TRIM51G: variants seen among roughly 807,000 people sequenced by gnomAD.
TRIM51G encodes the protein tripartite motif-containing protein 51G.
chr11:48,975,694 T>A, the TRIM51G span: 6 of 1,520,986 alleles, frequency 3.9e-6, no homozygotes, highest in Non-Finnish European at 3.6e-6. Flanking sequence ...GAGACTGCAG[T>A]GAGTGTCCTC....
the TRIM51G span, chr11:48,975,751 T>TC: frequency 6.4e-7 from 1 of 1,567,078 alleles, no homozygotes; most frequent in Non-Finnish European, 8.8e-7. Context: ...ATCTATCATG[T>TC]CATTCTGTCT....
the TRIM51G span, chr11:48,980,820 A>C: frequency 2.4e-6 from 1 of 416,298 alleles, no homozygotes; most frequent in Non-Finnish European, 4.9e-6. Flanking sequence ...CAGAAACATT[A>C]TGGGTTGAGA....
At chr11:48,978,788 AG>A in the TRIM51G span, 1 of 678,612 alleles carries the variant, frequency 1.5e-6, no homozygotes, top group South Asian at 1.6e-5. Flanking sequence ...ATGGAAGTAA[AG>A]GGGGAGACGG....
the TRIM51G span, chr11:48,979,151 G>T: frequency 1.5e-6 from 1 of 674,268 alleles, no homozygotes; most frequent in Non-Finnish European, 2.8e-6. Context: ...ATCTTCTCTT[G>T]AATTTCACTG....
chr11:48,980,884 G>T, the TRIM51G span: 1 of 477,252 alleles, frequency 2.1e-6, no homozygotes, highest in Non-Finnish European at 4.3e-6. Flanking sequence ...TCCTGGAGAA[G>T]GTAGAGTAAC....
the TRIM51G span, among the ~76,000 whole-genome samples, chr11:48,977,465 A>G: frequency 6.6e-6 from 1 of 152,150 alleles, no homozygotes; most frequent in Non-Finnish European, 1.5e-5. Context: ...CAAAAATGAA[A>G]TTCTGGATTC....
chr11:48,983,684 A>C, the TRIM51G span, among the ~76,000 whole-genome samples: 2 of 151,826 alleles, frequency 1.3e-5, no homozygotes, highest in Non-Finnish European at 2.9e-5. Context: ...TATCACTGTA[A>C]TTTACTCTTT....
At chr11:48,975,597 C>T in the TRIM51G span, 2 of 1,387,376 alleles carry the variant, frequency 1.4e-6, no homozygotes, top group Non-Finnish European at 2.1e-6. Context: ...CAACAAAGCT[C>T]ACGGTCCTAC....
At chr11:48,977,042 A>C in the TRIM51G span, 2 of 736,164 alleles carry the variant, frequency 2.7e-6, no homozygotes, top group South Asian at 2.8e-5. Flanking sequence ...TTCTAACAAG[A>C]AGTAATACAT....
the TRIM51G span, among the ~76,000 whole-genome samples, chr11:48,982,653 C>T: frequency 5.3e-5 from 8 of 150,904 alleles, no homozygotes; most frequent in African/African-American, 1.2e-4. Context: ...CTCCAGGACA[C>T]TAGCTTAATG....
At chr11:48,981,737 G>A in the TRIM51G span, 2 of 1,569,854 alleles carry the variant, frequency 1.3e-6, no homozygotes. Flanking sequence ...TTGGGTTCTG[G>A]GTTGGTGAAA....
At chr11:48,982,969 A>G in the TRIM51G span, among the ~76,000 whole-genome samples, 27,953 of 81,758 alleles carry the variant, frequency 0.34, 824 homozygotes, top group Non-Finnish European at 0.43. Context: ...ATATATATAT[A>G]TATATATATA....
the TRIM51G span, among the ~76,000 whole-genome samples, chr11:48,977,898 T>TTTTATTTA: frequency 5.5e-3 from 802 of 144,548 alleles, 8 homozygotes; most frequent in African/African-American, 0.019. Context: ...TCTCTTTCTT[T>TTTTATTTA]TTTATTTATT....
At chr11:48,978,821 A>T in the TRIM51G span, 5 of 826,938 alleles carry the variant, frequency 6.0e-6, no homozygotes, top group Admixed American at 5.3e-5. Context: ...GAGGTAAAAC[A>T]CCCATCCACT....
the TRIM51G span, chr11:48,975,578 T>C: frequency 2.2e-6 from 3 of 1,382,882 alleles, no homozygotes; most frequent in South Asian, 1.2e-5. Context: ...AGGGAACTTC[T>C]ATCCACATCA....
At chr11:48,982,947 GTATATATACATATA>G in the TRIM51G span, among the ~76,000 whole-genome samples, 847 of 86,120 alleles carry the variant, frequency 9.8e-3, 49 homozygotes, top group South Asian at 0.065. Flanking sequence ...AGTATTTTTG[GTATATATACATATA>G]TATATATATA....
chr11:48,977,016 A>G, the TRIM51G span: 1 of 658,702 alleles, frequency 1.5e-6, no homozygotes. Context: ...CGAAGGGTAA[A>G]ATATTACCCC....
At chr11:48,979,029 T>A in the TRIM51G span, 1 of 1,110,398 alleles carries the variant, frequency 9.0e-7, no homozygotes, top group Non-Finnish European at 1.4e-6. Context: ...GTGACGTTGC[T>A]CTTCTTCATG....
the TRIM51G span, chr11:48,975,698 T>A: frequency 6.5e-7 from 1 of 1,526,956 alleles, no homozygotes; most frequent in Non-Finnish European, 9.1e-7. Flanking sequence ...CTGCAGTGAG[T>A]GTCCTCCTTA....
Sources: allele counts gnomAD v4.1 joint callset (sites outside exome capture counted in the v4.1 genomes callset), GRCh38; gene constraint gnomAD v4.1.1; transcripts MANE v1.5; gene names NCBI Gene and HGNC (gene_info 2026-07-23, HGNC 2026-07-21).